The following TLL2 variants were observed in gnomAD, a reference collection of about 807,000 sequenced individuals.
The protein encoded by TLL2 is tolloid-like protein 2.
A neutral mutation model predicts 123.0 loss-of-function variants in TLL2; 106 were observed. The observed-to-expected ratio is 0.86, with a 90% CI of 0.74 to 1.01. TLL2 has a LOEUF of 1.01. TLL2 is among the 50% of genes least tolerant of loss of function. The pLI, the probability that TLL2 is intolerant of heterozygous loss-of-function variation, is 0.00. For synonymous variants in TLL2, 494 were observed against 516.8 expected (o/e 0.96, Z 0.60); for missense variants, 1,332 against 1,336.7 (o/e 1.00, Z 0.06).
intron 4 of TLL2, among the ~76,000 whole-genome samples, chr10:96,429,377 G>T (rs1589420382): frequency 7.7e-6 from 1 of 130,072 alleles, no homozygotes; most frequent in Non-Finnish European, 1.7e-5. Context: ...AAAAAAAAAA[G>T]CTTGTTCAGA....
At position 96,373,783 on chromosome 10, in the gene TLL2, C is replaced by T. The variant is rs2134051334; in HGVS notation, c.2475G>A (p.Gln825=). The change falls in exon 19 of 21, where the codon CAG becomes CAA. Residue 825 remains glutamine, a synonymous_variant. Coordinates refer to ENST00000357947, the MANE Select transcript of TLL2 (RefSeq NM_012465.4). The part of the protein sequence containing the change: ...KLTFNEFEIE[Q]HQECAYDHLE... ...GGTGGTCATAGGCACATTCCTGGTG[C>T]TGCTCGATCTCAAACTCATTAAAGG... The T allele has an allele frequency of 1.2e-6, 2 of 1,614,092 alleles. No individual in the cohort carries two copies. Among genetic ancestry groups the T allele is most frequent in the Admixed American group, 1.7e-5 (1 of 60,028 alleles).
At chr10:96,381,622 G>T (rs1846187899) in intron 16 of TLL2, among the ~76,000 whole-genome samples, 1 of 152,110 alleles carries the variant, frequency 6.6e-6, no homozygotes, top group African/African-American at 2.4e-5. Context: ...ACTGCTCCAG[G>T]CAACCATGGG....
intron 1 of TLL2, among the ~76,000 whole-genome samples, chr10:96,489,806 A>T (rs1413793567): frequency 6.6e-6 from 1 of 152,146 alleles, no homozygotes; most frequent in Non-Finnish European, 1.5e-5. Flanking sequence ...ATTCAAAATA[A>T]CATATCTCAG....
At chr10:96,369,726 G>A (rs891523513) in intron 20 of TLL2, among the ~76,000 whole-genome samples, 35 of 148,206 alleles carry the variant, frequency 2.4e-4, no homozygotes, top group African/African-American at 8.5e-4. Context: ...CAGCCTGGGC[G>A]ACAGAGCAAG....
intron 1 of TLL2, among the ~76,000 whole-genome samples, chr10:96,510,830 A>G (rs1401779630): frequency 6.6e-6 from 1 of 152,248 alleles, no homozygotes; most frequent in African/African-American, 2.4e-5. Context: ...CAGGGGGCTC[A>G]CACTGAAGTG....
At chr10:96,388,725 CAA>C (rs1465568244) in intron 13 of TLL2, among the ~76,000 whole-genome samples, 1 of 152,232 alleles carries the variant, frequency 6.6e-6, no homozygotes, top group Non-Finnish European at 1.5e-5. Flanking sequence ...TTTTCCAACT[CAA>C]ATATACCCCT....
At chr10:96,425,672 A>G (rs1220063043) in intron 5 of TLL2, among the ~76,000 whole-genome samples, 2 of 152,018 alleles carry the variant, frequency 1.3e-5, no homozygotes, top group East Asian at 3.9e-4. Flanking sequence ...AAAAGCAGTC[A>G]CCTATTCTTG....
At chr10:96,454,335 G>T (rs1846989928) in intron 2 of TLL2, among the ~76,000 whole-genome samples, 1 of 152,232 alleles carries the variant, frequency 6.6e-6, no homozygotes, top group South Asian at 2.1e-4. Context: ...GGCACTGGCT[G>T]ATGAAGTCTC....
intron 2 of TLL2, among the ~76,000 whole-genome samples, chr10:96,446,381 C>T (rs967251937): frequency 2.0e-5 from 3 of 152,232 alleles, no homozygotes; most frequent in Admixed American, 6.5e-5. Context: ...TTAATAACCA[C>T]ACACATCAGT....
At chr10:96,435,035 CTTTT>C (rs34593980) in intron 3 of TLL2, among the ~76,000 whole-genome samples, 2 of 130,448 alleles carry the variant, frequency 1.5e-5, no homozygotes, top group Admixed American at 7.5e-5. Context: ...TTTTTTTTTT[CTTTT>C]TTTTTTTTTT....
intron 13 of TLL2, among the ~76,000 whole-genome samples, chr10:96,394,925 G>A (rs754421648): frequency 4.6e-4 from 70 of 152,338 alleles, no homozygotes; most frequent in African/African-American, 6.0e-4. Flanking sequence ...TTTCACTACC[G>A]TGTAGTTTGC....
chr10:96,502,521 G>C (rs932152302), intron 1 of TLL2, among the ~76,000 whole-genome samples: 1 of 152,126 alleles, frequency 6.6e-6, no homozygotes, highest in Non-Finnish European at 1.5e-5. Context: ...TGTGTTGGGC[G>C]GGGTGAGAAG....
chr10:96,409,852 A>G (rs1846484046), intron 9 of TLL2, among the ~76,000 whole-genome samples: 1 of 152,200 alleles, frequency 6.6e-6, no homozygotes, highest in Admixed American at 6.5e-5. Flanking sequence ...TTGAGTATAG[A>G]CTGCATGCCT....
At chr10:96,375,501 CCAG>C (rs1846129872) in intron 18 of TLL2, 1 of 152,148 alleles carries the variant, frequency 6.6e-6, no homozygotes. Context: ...CGAACATTTC[CCAG>C]CAGATGGCGG....
intron 7 of TLL2, 68 bp downstream of exon 7, chr10:96,420,888 C>T (rs894820801): frequency 7.6e-6 from 11 of 1,456,312 alleles, no homozygotes; most frequent in South Asian, 1.1e-5. Flanking sequence ...CGCAGACCTC[C>T]AGGAATCCAA....
intron 10 of TLL2, among the ~76,000 whole-genome samples, chr10:96,400,860 C>G (rs372936574): frequency 6.6e-6 from 1 of 152,234 alleles, no homozygotes; most frequent in African/African-American, 2.4e-5. Flanking sequence ...CTGCAGCCAA[C>G]TTCCTCCCCT....
chr10:96,485,822 C>T (rs1847349901), intron 1 of TLL2, among the ~76,000 whole-genome samples: 2 of 152,188 alleles, frequency 1.3e-5, no homozygotes, highest in South Asian at 2.1e-4. Context: ...CTGAGCCCTT[C>T]GGTTTCCCAC....
chr10:96,451,936 C>T (rs531280976), intron 2 of TLL2, among the ~76,000 whole-genome samples: 2 of 152,292 alleles, frequency 1.3e-5, no homozygotes, highest in South Asian at 2.1e-4. Context: ...CTTTGACCCA[C>T]GAGAGCTAAA....
chr10:96,422,470 C>G, intron 6 of TLL2, 79 bp downstream of exon 6: 38 of 1,510,066 alleles, frequency 2.5e-5, no homozygotes, highest in Non-Finnish European at 3.3e-5. Flanking sequence ...CCAGCAAGTC[C>G]CCTCCTTCCC....
Sources: gnomAD v4.1 joint callset for allele counts (sites outside exome capture counted in the v4.1 genomes callset) on GRCh38, gnomAD v4.1.1 for gene constraint, MANE v1.5 for transcripts, NCBI Gene and HGNC (gene_info 2026-07-23, HGNC 2026-07-21) for gene names.